SRRM3: variants seen among roughly 807,000 people sequenced by gnomAD.
SRRM3 encodes the protein serine/arginine repetitive matrix 3.
SRRM3 carries 27 observed loss-of-function variants against 66.2 expected under a neutral mutation model. The ratio of observed to expected loss-of-function variants is 0.41; its 90% CI spans 0.30 to 0.56. The LOEUF is 0.56. Ranked by LOEUF, SRRM3 falls within the 20% of genes least tolerant of loss-of-function variation. The pLI is 0.32. For missense variants in SRRM3, 918 were observed against 991.9 expected, an observed-to-expected ratio of 0.93 and a Z score of 1.00; for synonymous variants, 391 against 414.9, an observed-to-expected ratio of 0.94 and a Z score of 0.70.
Position 76,267,297 on chromosome 7 carries a change from C to T in SRRM3, c.870C>T (p.Gly290=). 2 of 1,557,542 alleles carry T rather than the reference C, an allele frequency of 1.3e-6. No individual in the cohort carries two copies. The highest frequency in any genetic ancestry group is 2.7e-5 in the East Asian group (1 of 37,310). The change falls in exon 11 of 15, where the codon GGC becomes GGT. Residue 290 remains glycine, a synonymous_variant. Transcript: ENST00000611745. ...ACCGAGACGAAGGGCGAAAGACGGG[C>T]AGCCAGCGGTCCAGCGGAAGCCGGT... ...PKHRDEGRKT[G]SQRSSGSRSP...
chr7:76,250,589 C>T (rs781861721), intron 3 of SRRM3, among the ~76,000 whole-genome samples: 9 of 152,090 alleles, frequency 5.9e-5, no homozygotes, highest in Admixed American at 2.0e-4. Context: ...CAATAGGAAA[C>T]GGGGAAACCC....
chr7:76,275,513 AAAAAG>A (rs1354146004), intron 11 of SRRM3, among the ~76,000 whole-genome samples: 2 of 151,428 alleles, frequency 1.3e-5, no homozygotes, highest in African/African-American at 2.4e-5. Context: ...AAAAAAAAAA[AAAAAG>A]AAAAGAAAAG....
At position 76,210,013 on chromosome 7, in the gene SRRM3, T is replaced by G. The variant is rs1287546308; in HGVS notation, c.-40+7946T>G. Reference sequence around the variant, plus strand: ...GAAGGCCCCTCTGCCTGCAATAGGGTAGGAGGCAGAGAGGGAAAGGAAGAG... The same window carrying G: ...GAAGGCCCCTCTGCCTGCAATAGGGGAGGAGGCAGAGAGGGAAAGGAAGAG... On this transcript the variant is annotated intron_variant, in intron 1 of 14. Transcript: ENST00000611745. Among the ~76,000 whole-genome samples, 3 of 151,940 alleles carry G rather than the reference T, an allele frequency of 2.0e-5. 1 individual carries two copies.
intron 9 of SRRM3, among the ~76,000 whole-genome samples, 191 bp from the exon 10 acceptor site, chr7:76,265,173 G>A (rs1442768228): frequency 6.6e-6 from 1 of 152,118 alleles, no homozygotes; most frequent in Non-Finnish European, 1.5e-5. Flanking sequence ...GACCCATATG[G>A]ACCAGATAGG....
intron 11 of SRRM3, among the ~76,000 whole-genome samples, chr7:76,277,030 C>T (rs1802367040): frequency 6.6e-6 from 1 of 152,254 alleles, no homozygotes; most frequent in Admixed American, 6.5e-5. Flanking sequence ...TCACAACAAA[C>T]TCACACCAGG....
intron 1 of SRRM3, among the ~76,000 whole-genome samples, chr7:76,213,865 G>A (rs903897896): frequency 2.6e-5 from 4 of 152,014 alleles, no homozygotes; most frequent in Admixed American, 6.6e-5. Context: ...GAACTCCCAG[G>A]CTTAAGCGAT....
rs1435826439 is a variant in SRRM3 at position 76,260,260 on chromosome 7, C to G, written c.545+63C>G. On this transcript the variant is annotated intron_variant, in intron 5 of 14. Coordinates refer to ENST00000611745, the MANE Select transcript of SRRM3 (RefSeq NM_001110199.3). ...GAGGTGGGGTCTCTCCCCGGATGCC[C>G]GTCCCTGGCTCACAACCATGCAGCA... 6 of 1,288,566 alleles carry G rather than the reference C, an allele frequency of 4.7e-6. No individual in the cohort carries two copies. The Admixed American group carries it at 1.0e-4, about 22-fold the overall frequency. The allele number at this position is 1,288,566 out of a possible 1,614,324, so 79.8% of individuals were successfully genotyped here.
Position 76,285,926 on chromosome 7 carries a change from A to G in SRRM3, c.*83A>G. 1.4e-6 allele frequency: 2 copies of G among 1,390,108 alleles called. No homozygotes were observed. The highest frequency in any genetic ancestry group is 1.9e-6 in the Non-Finnish European group (2 of 1,031,468). 86.1% of individuals were successfully genotyped at this position (1,390,108 alleles called of 1,614,324 possible). A position where few individuals can be genotyped will look rare whatever the true frequency, so the allele number is the denominator to read the frequency against. ...CCAGGACCCCAGTGGGGAGGGGGCTATATCTCCTTGCCCCCAAGGCTACAA... is the reference window on the plus strand; with the variant it reads ...CCAGGACCCCAGTGGGGAGGGGGCTGTATCTCCTTGCCCCCAAGGCTACAA... On this transcript the variant is annotated 3_prime_UTR_variant, in exon 15 of 15. Transcript: ENST00000611745. This position sits in a 1 kb window ranked among gnomAD's most constrained non-coding sequence, Gnocchi z 4.1.
chr7:76,239,544 A>T (rs576734750), intron 2 of SRRM3, among the ~76,000 whole-genome samples: 171 of 152,102 alleles, frequency 1.1e-3, no homozygotes, highest in Non-Finnish European at 1.7e-3. Flanking sequence ...ACAAAAAAAA[A>T]TTTTTTTAAC....
intron 1 of SRRM3, among the ~76,000 whole-genome samples, chr7:76,222,592 A>G (rs1800754521): frequency 6.6e-6 from 1 of 151,458 alleles, no homozygotes; most frequent in African/African-American, 2.4e-5. Context: ...TGGGCTCAGC[A>G]AGACAAGCCC....
At chr7:76,264,459 C>G (rs1303942440) in intron 8 of SRRM3, among the ~76,000 whole-genome samples, 3 of 152,178 alleles carry the variant, frequency 2.0e-5, no homozygotes, top group Non-Finnish European at 4.4e-5. Flanking sequence ...AGCCACCATG[C>G]CCGGCTATAG....
intron 1 of SRRM3, among the ~76,000 whole-genome samples, chr7:76,206,370 GGA>G (rs151338474): frequency 1.3e-4 from 20 of 149,750 alleles, no homozygotes; most frequent in Non-Finnish European, 1.8e-4. Context: ...GAAAGGGATT[GGA>G]GAGAGAGAGA....
chr7:76,227,402 C>T (rs1466380254), intron 1 of SRRM3, among the ~76,000 whole-genome samples: 1 of 152,220 alleles, frequency 6.6e-6, no homozygotes, highest in Non-Finnish European at 1.5e-5. Context: ...TAAATGGCTG[C>T]ACCATCCACC....
At chr7:76,213,965 G>T (rs891053031) in intron 1 of SRRM3, among the ~76,000 whole-genome samples, 1 of 151,660 alleles carries the variant, frequency 6.6e-6, no homozygotes, top group Non-Finnish European at 1.5e-5. Flanking sequence ...TAGTAGAGAT[G>T]GGGGGGTCTC....
chr7:76,221,097 G>T (rs1407532875), intron 1 of SRRM3, among the ~76,000 whole-genome samples: 1 of 145,064 alleles, frequency 6.9e-6, no homozygotes, highest in Non-Finnish European at 1.5e-5. Flanking sequence ...TCACTTTGTT[G>T]CCCAGGCTGG....
intron 2 of SRRM3, among the ~76,000 whole-genome samples, chr7:76,237,005 A>C (rs1394207008): frequency 6.6e-6 from 1 of 152,110 alleles, no homozygotes; most frequent in Non-Finnish European, 1.5e-5. Flanking sequence ...GTACCAGCTC[A>C]CGTGGCTCCC....
At chr7:76,271,316 A>G (rs148874571) in intron 11 of SRRM3, among the ~76,000 whole-genome samples, 10 of 152,036 alleles carry the variant, frequency 6.6e-5, no homozygotes, top group Non-Finnish European at 1.5e-4. Flanking sequence ...AAAAATATAT[A>G]TATATTTTTA....
At chr7:76,206,777 AGC>A (rs1800311114) in intron 1 of SRRM3, among the ~76,000 whole-genome samples, 2 of 152,036 alleles carry the variant, frequency 1.3e-5, no homozygotes, top group Admixed American at 6.5e-5. Flanking sequence ...GTCCTTCTGC[AGC>A]GCTGCTTCCT....
intron 11 of SRRM3, among the ~76,000 whole-genome samples, chr7:76,278,928 G>A (rs1802429432): frequency 1.3e-5 from 2 of 152,152 alleles, no homozygotes; most frequent in African/African-American, 2.4e-5. Flanking sequence ...TGCCCTGAGA[G>A]GTGGCAGCAT....
Sources: allele counts gnomAD v4.1 joint callset (sites outside exome capture counted in the v4.1 genomes callset), GRCh38; gene constraint gnomAD v4.1.1; non-coding constraint Gnocchi (gnomAD v3.1); transcripts MANE v1.5; gene names NCBI Gene and HGNC (gene_info 2026-07-23, HGNC 2026-07-21).